The following ABCA12 variants were observed in gnomAD, a reference collection of about 807,000 sequenced individuals.
The protein encoded by ABCA12 is glucosylceramide transporter ABCA12.
In ABCA12, 156 loss-of-function variants were observed where a neutral mutation model predicts 293.5. The ratio of observed to expected loss-of-function variants is 0.53; its 90% CI spans 0.47 to 0.61. The LOEUF is 0.61. ABCA12 is among the 20% of genes least tolerant of loss of function. The pLI is 0.00. For synonymous variants in ABCA12, 1,063 were observed against 1,108.0 expected (o/e 0.96, Z 0.81); for missense variants, 2,797 against 3,090.2 (o/e 0.91, Z 2.25).
Position 215,064,197 on chromosome 2 carries a change from A to G in ABCA12, c.186T>C (p.Leu62=). The G allele has an allele frequency of 1.2e-6, 2 of 1,612,728 alleles. No individual in the cohort carries two copies. Among genetic ancestry groups the G allele is most frequent in the Non-Finnish European group, 1.7e-6 (2 of 1,179,128 alleles). ...KPTCYLAPRN[L]PSTGFFPFLQ... is the part of the protein sequence containing the mutation. ...GGAATGGAAAGAATCCAGTACTAGGAAGGTTTCGAGGTGCGAGGTAACCTA... is the reference window on the plus strand; with the variant it reads ...GGAATGGAAAGAATCCAGTACTAGGGAGGTTTCGAGGTGCGAGGTAACCTA... The change falls in exon 3 of 53, where the codon CTT becomes CTC. Residue 62 remains leucine (L), a synonymous_variant. Transcript: ENST00000272895.
intron 2 of ABCA12, among the ~76,000 whole-genome samples, chr2:215,091,814 C>A (rs1702153032): frequency 6.6e-6 from 1 of 152,234 alleles, no homozygotes; most frequent in Admixed American, 6.5e-5. Context: ...AATGCCTAAA[C>A]TGCAGTGGCC....
intron 3 of ABCA12, among the ~76,000 whole-genome samples, chr2:215,060,475 C>G (rs1323306672): frequency 6.6e-6 from 1 of 151,920 alleles, no homozygotes; most frequent in South Asian, 2.1e-4. Flanking sequence ...GTTTAAATTA[C>G]ATGTAATTAT....
intron 2 of ABCA12, among the ~76,000 whole-genome samples, chr2:215,072,329 A>C (rs541023642): frequency 6.6e-6 from 1 of 152,106 alleles, no homozygotes; most frequent in Non-Finnish European, 1.5e-5. Context: ...CATTTTTTGT[A>C]CCTTGAGACT....
intron 6 of ABCA12, among the ~76,000 whole-genome samples, chr2:215,047,042 C>A (rs960258051): frequency 1.5e-4 from 23 of 152,072 alleles, no homozygotes; most frequent in African/African-American, 5.6e-4. Context: ...CATGGACACA[C>A]AGAGGGGAAC....
intron 16 of ABCA12, 53 bp downstream of exon 16, chr2:215,011,918 C>T (rs1559145192): frequency 6.6e-7 from 1 of 1,512,730 alleles, no homozygotes; most frequent in Non-Finnish European, 9.1e-7. Context: ...TATAACTACT[C>T]AATATGACAG....
intron 2 of ABCA12, among the ~76,000 whole-genome samples, chr2:215,074,326 A>G (rs1253587806): frequency 6.6e-6 from 1 of 152,212 alleles, no homozygotes; most frequent in Non-Finnish European, 1.5e-5. Context: ...AAAGATGGTA[A>G]TTCAGCAAGC....
intron 2 of ABCA12, among the ~76,000 whole-genome samples, chr2:215,085,056 T>G (rs13430999): frequency 0.021 from 2,912 of 140,098 alleles, 119 homozygotes; most frequent in African/African-American, 0.074. Context: ...ATCATGCCAC[T>G]GCACTCCAGC....
intron 52 of ABCA12, among the ~76,000 whole-genome samples, chr2:214,933,639 C>A (rs1480175293): frequency 6.6e-6 from 1 of 152,172 alleles, no homozygotes; most frequent in Non-Finnish European, 1.5e-5. Flanking sequence ...AAGGATTCTG[C>A]ATTTACCACT....
chr2:215,026,143 G>C (rs1012446983), intron 10 of ABCA12, among the ~76,000 whole-genome samples: 1 of 152,136 alleles, frequency 6.6e-6, no homozygotes, highest in Admixed American at 6.5e-5. Flanking sequence ...TTCCAACCTT[G>C]ATTAATTCAT....
At chr2:214,943,359 G>A (rs3920623) in intron 49 of ABCA12, among the ~76,000 whole-genome samples, 61,633 of 151,632 alleles carry the variant, frequency 0.41, 12,627 homozygotes, top group South Asian at 0.44. Flanking sequence ...TGCCCAGACC[G>A]TTCTTGAACT....
intron 5 of ABCA12, among the ~76,000 whole-genome samples, chr2:215,051,382 C>A (rs774412267): frequency 6.6e-6 from 1 of 152,020 alleles, no homozygotes; most frequent in Non-Finnish European, 1.5e-5. Context: ...GAGTGTGATG[C>A]CATTTCCTGG....
chr2:215,134,019 T>C (rs1703119231), intron 1 of ABCA12, among the ~76,000 whole-genome samples: 2 of 152,030 alleles, frequency 1.3e-5, no homozygotes. Context: ...CAGTTAGATA[T>C]GTCCCAATAT....
Position 215,052,473 on chromosome 2 carries a change from T to C in ABCA12, c.507+14A>G, listed in dbSNP as rs1330928336. On this transcript the variant is annotated intron_variant, in intron 5 of 52. Coordinates refer to ENST00000272895, the MANE Select transcript of ABCA12 (RefSeq NM_173076.3). Reference sequence around the variant, plus strand: ...TTGAATCACTCTACCCATTACAAAATTGAATCAAGTTACCTTTTCCAAGCC... The same window carrying C: ...TTGAATCACTCTACCCATTACAAAACTGAATCAAGTTACCTTTTCCAAGCC... 3 of 1,606,546 alleles carry C rather than the reference T, an allele frequency of 1.9e-6. No homozygotes were observed. The highest frequency in any genetic ancestry group is 2.6e-6 in the Non-Finnish European group (3 of 1,173,712).
intron 2 of ABCA12, among the ~76,000 whole-genome samples, chr2:215,071,272 T>C (rs1701733636): frequency 6.6e-6 from 1 of 150,874 alleles, no homozygotes; most frequent in South Asian, 2.1e-4. Context: ...TAAATCTTCA[T>C]GGTTTTGAAG....
chr2:215,023,929 C>T (rs1363052094), intron 11 of ABCA12, among the ~76,000 whole-genome samples: 2 of 152,150 alleles, frequency 1.3e-5, no homozygotes, highest in Non-Finnish European at 2.9e-5. Flanking sequence ...ATTCAAATTC[C>T]TTGACAAGGA....
chr2:214,975,967 G>A lies in ABCA12; in HGVS notation c.5199C>T (p.Leu1733=), dbSNP rs1469739994. The A allele has an allele frequency of 3.1e-6, 5 of 1,613,980 alleles. No individual in the cohort carries two copies. Residue 1733 remains leucine, a synonymous_variant, in exon 34 of 53, where the codon CTC becomes CTT. Transcript: ENST00000272895. The stretch of plus-strand genomic sequence containing the variant: ...TGCGGGTGTGGTGGAACCTCTTGAT[G>A]AGTATAGCCATGATCTTCTTCAGCA... ...GLLLKKIMAI[L]IKRFHHTRRN...
chr2:215,008,584 G>A (rs953663220), intron 18 of ABCA12, among the ~76,000 whole-genome samples: 1 of 152,024 alleles, frequency 6.6e-6, no homozygotes, highest in African/African-American at 2.4e-5. Context: ...TATAAAAAAG[G>A]ATTAAAATGC....
intron 28 of ABCA12, among the ~76,000 whole-genome samples, chr2:214,985,575 G>C (rs536420307): frequency 2.0e-5 from 3 of 152,072 alleles, no homozygotes; most frequent in African/African-American, 4.8e-5. Context: ...AAAAAATCTG[G>C]CCTTTTTGGC....
intron 2 of ABCA12, among the ~76,000 whole-genome samples, chr2:215,084,110 T>G (rs578008433): frequency 5.9e-5 from 9 of 152,222 alleles, no homozygotes; most frequent in Admixed American, 5.9e-4. Context: ...CCTGAATACC[T>G]GGGACTACAG....
Sources: gnomAD v4.1 joint callset for allele counts (sites outside exome capture counted in the v4.1 genomes callset) on GRCh38, gnomAD v4.1.1 for gene constraint, MANE v1.5 for transcripts, NCBI Gene and HGNC (gene_info 2026-07-23, HGNC 2026-07-21) for gene names.